ALDH16A1: variants seen among roughly 807,000 people sequenced by gnomAD.
ALDH16A1 encodes aldehyde dehydrogenase family 16 member A1.
In ALDH16A1, 88 loss-of-function variants were observed where a neutral mutation model predicts 96.1. The observed-to-expected ratio is 0.92, with a 90% CI of 0.77 to 1.09. ALDH16A1 has a LOEUF of 1.09. Ranked by LOEUF, ALDH16A1 falls within the 50% of genes least tolerant of loss-of-function variation. The pLI, the probability that ALDH16A1 is intolerant of heterozygous loss-of-function variation, is 0.00. For missense variants in ALDH16A1, 1,250 were observed against 1,112.6 expected (o/e 1.12, Z -1.76); for synonymous variants, 522 against 496.4 (o/e 1.05, Z -0.69).
At chr19:49,467,831 C>G (rs1387222474) in intron 14 of ALDH16A1, among the ~76,000 whole-genome samples, 57 of 151,742 alleles carry the variant, frequency 3.8e-4, no homozygotes, top group Non-Finnish European at 5.9e-5. Context: ...CCCCTTGCCT[C>G]CCACCCCCCA....
chr19:49,464,896 G>A, intron 12 of ALDH16A1, 134 bp downstream of exon 12: 2 of 1,396,980 alleles, frequency 1.4e-6, no homozygotes, highest in South Asian at 1.3e-5. Flanking sequence ...ACCACGTTGT[G>A]GCCTCACACT....
Position 49,465,709 on chromosome 19 carries a change from ACTC to A in ALDH16A1, c.1569-22_1569-20del, listed in dbSNP as rs758939974. On this transcript the variant is annotated intron_variant, in intron 12 of 16. Transcript: ENST00000293350. ...GGTCTGAGCAGATTGAGGCCCCAGG[ACTC>A]CTCCTCATGTCCCACCCTACTCCAG... 2.4e-5 allele frequency: 38 copies of A among 1,597,002 alleles called. No homozygotes were observed. In the African/African-American group the frequency reaches 3.8e-4, roughly 16 times the overall value.
At position 49,456,606 on chromosome 19, in the gene ALDH16A1, T is replaced by G. The variant is rs778361043; in HGVS notation, c.91-1880T>G. On this transcript the variant is annotated intron_variant, in intron 1 of 16. Coordinates refer to ENST00000293350, the MANE Select transcript of ALDH16A1 (RefSeq NM_153329.4). Reference sequence around the variant, plus strand: ...GTCTTGCTGTGTAGGTCCAGACTAGTCTCAAACTCCTCAGCTCAAGCAATC... The same window carrying G: ...GTCTTGCTGTGTAGGTCCAGACTAGGCTCAAACTCCTCAGCTCAAGCAATC... Among the ~76,000 whole-genome samples the G allele has an allele frequency of 1.6e-4, 24 of 152,078 alleles. No homozygotes were observed. In the East Asian group the frequency reaches 4.4e-3, roughly 28 times the overall value.
chr19:49,456,936 C>T (rs534293076), intron 1 of ALDH16A1, among the ~76,000 whole-genome samples: 1 of 151,920 alleles, frequency 6.6e-6, no homozygotes, highest in African/African-American at 2.4e-5. Context: ...GGTAAAAACC[C>T]ATCTCTACTA....
At position 49,462,556 on chromosome 19, in the gene ALDH16A1, C is replaced by G; in HGVS notation, c.913-14C>G. 1.9e-6 allele frequency: 3 copies of G among 1,610,970 alleles called. No homozygotes were observed. The highest frequency in any genetic ancestry group is 2.5e-6 in the Non-Finnish European group (3 of 1,179,164). On this transcript the variant is annotated splice_polypyrimidine_tract_variant and intron_variant, in intron 7 of 16. Transcript: ENST00000293350. ...TGCAATGGTGTGATCTCCTGATGCC[C>G]CTTTTCCTCACAGGGTGGCCTCAGG...
At chr19:49,470,055 CTTG>C (rs1289633270) in intron 16 of ALDH16A1, 6 of 478,352 alleles carry the variant, frequency 1.3e-5, no homozygotes, top group African/African-American at 1.0e-4. Flanking sequence ...CAGATGTGAA[CTTG>C]TTGACAAGAG....
chr19:49,454,760 A>G (rs2079094788), intron 1 of ALDH16A1, among the ~76,000 whole-genome samples: 2 of 152,220 alleles, frequency 1.3e-5, no homozygotes, highest in African/African-American at 4.8e-5. Flanking sequence ...AGACGGGCAG[A>G]TCGCCTGAGC....
At position 49,459,752 on chromosome 19, in the gene ALDH16A1, C is replaced by G. The variant is rs771158582; in HGVS notation, c.403C>G (p.Arg135Gly). ...LVTGRAVREV[R>G]DGDVQLAQQL... ...GACTGGGCGGGCTGTTCGAGAGGTTCGAGACGGGGACGTCCAGCTGGCCCA... is the reference window on the plus strand; with the variant it reads ...GACTGGGCGGGCTGTTCGAGAGGTTGGAGACGGGGACGTCCAGCTGGCCCA... Residue 135 changes from arginine to glycine, a missense_variant, in exon 4 of 17, where the codon CGA becomes GGA. Physicochemically the swap from Arg to Gly is moderately radical, Grantham distance 125. Transcript: ENST00000293350. The surrounding 1 kb of genome is among the most constrained non-coding windows in gnomAD (Gnocchi z 4.1). 1.2e-6 allele frequency: 2 copies of G among 1,613,670 alleles called. No individual in the cohort carries two copies. The highest frequency in any genetic ancestry group is 1.7e-6 in the Non-Finnish European group (2 of 1,179,912).
chr19:49,470,648 C>CTTTTTT lies in ALDH16A1; in HGVS notation c.*194_*199dup, dbSNP rs55713893. 1.2e-5 allele frequency: 4 copies of CTTTTTT among 342,196 alleles called. No homozygotes were observed. The highest frequency in any genetic ancestry group is 9.8e-6 in the Non-Finnish European group (2 of 204,872). The allele number at this position is 342,196 out of a possible 1,614,324, so 21.2% of individuals were successfully genotyped here. On this transcript the variant is annotated 3_prime_UTR_variant, in exon 17 of 17. Transcript: ENST00000293350. Reference sequence around the variant, plus strand: ...CTTCTGGCAGATATGAGGCTTTTTTCTTTTTTTTTTTTTTTTTTGAGACAA... The same window carrying CTTTTTT: ...CTTCTGGCAGATATGAGGCTTTTTTCTTTTTTTTTTTTTTTTTTTTTTTTGAGACAA...
At position 49,453,400 on chromosome 19, in the gene ALDH16A1, G is replaced by C; in HGVS notation, c.69G>C (p.Pro23=). The change falls in exon 1 of 17, where the codon CCG becomes CCC. Residue 23 remains proline, a synonymous_variant. Transcript: ENST00000293350. ...IFTSLEYGPV[P]ESHACALAWL... ...CCTCGCTGGAGTACGGACCGGTGCC[G>C]GAGAGCCACGCATGCGCACTGGTGA... is the stretch of plus-strand genomic sequence containing the variant. 1 of 1,556,804 alleles carries C rather than the reference G, an allele frequency of 6.4e-7. No individual in the cohort carries two copies.
intron 14 of ALDH16A1, 42 bp downstream of exon 14, chr19:49,466,325 G>A (rs371827008): frequency 2.1e-6 from 3 of 1,423,364 alleles, no homozygotes; most frequent in Non-Finnish European, 9.2e-7. Flanking sequence ...GGCAGGCGGG[G>A]TGGGGCTCAG....
Position 49,464,218 on chromosome 19 carries a change from G to A in ALDH16A1, c.1286G>A (p.Ser429Asn). Residue 429 changes from serine (S) to asparagine (N), a missense_variant, in exon 10 of 17, where the codon AGT becomes AAT. Transcript: ENST00000293350. ...GGGACGCCCCGCGGGGGCAGCGCCA[G>A]TGTGTGGAGCGAGAGGCTGGGGCAG... ...ANGTPRGGSA[S>N]VWSERLGQAL... The A allele has an allele frequency of 6.2e-7, 1 of 1,605,566 alleles. No homozygotes were observed. Among genetic ancestry groups the A allele is most frequent in the South Asian group, 1.1e-5 (1 of 90,902 alleles).
In ALDH16A1 at chr19:49,459,816, A is replaced by G. The variant is rs2079127895; in HGVS notation, c.467A>G (p.Gln156Arg). Reference sequence around the variant, plus strand: ...TACCATGCAATCCAGGCATCCACCCAGGAGGAGGCACTGGCAGGCTGGGAG... The same window carrying G: ...TACCATGCAATCCAGGCATCCACCCGGGAGGAGGCACTGGCAGGCTGGGAG... ...LHYHAIQAST[Q>R]EEALAGWEPM... Residue 156 changes from glutamine to arginine, a missense_variant, in exon 4 of 17, where the codon CAG (glutamine) becomes CGG (arginine). Gln to Arg is a conservative substitution (Grantham distance 43). Transcript: ENST00000293350. The surrounding 1 kb of genome is among the most constrained non-coding windows in gnomAD (Gnocchi z 4.1). The G allele has an allele frequency of 6.2e-7, 1 of 1,613,386 alleles. No homozygotes were observed. The highest frequency in any genetic ancestry group is 2.2e-5 in the East Asian group (1 of 44,838).
At chr19:49,454,334 TC>T (rs2079092639) in intron 1 of ALDH16A1, among the ~76,000 whole-genome samples, 1 of 152,064 alleles carries the variant, frequency 6.6e-6, no homozygotes, top group Non-Finnish European at 1.5e-5. Flanking sequence ...CATCAGGACT[TC>T]CTGTAATTAC....
At position 49,468,618 on chromosome 19, in the gene ALDH16A1, A is replaced by G; in HGVS notation, c.2124+52A>G. The G allele has an allele frequency of 1.3e-6, 2 of 1,573,060 alleles. No individual in the cohort carries two copies. The highest frequency in any genetic ancestry group is 1.7e-6 in the Non-Finnish European group (2 of 1,163,452). The stretch of plus-strand genomic sequence containing the variant: ...CCTCCCCGTAGCCTCAGGGCAGCAG[A>G]AAAAGGCGCCCCAAAGTCGGCAGGA... On this transcript the variant is annotated intron_variant, in intron 15 of 16. Transcript: ENST00000293350. This position sits in a 1 kb window ranked among gnomAD's most constrained non-coding sequence, Gnocchi z 4.4.
chr19:49,462,577 T>C lies in ALDH16A1; in HGVS notation c.920T>C (p.Leu307Pro), dbSNP rs763911446. 9.3e-6 allele frequency: 15 copies of C among 1,612,756 alleles called. No homozygotes were observed. The highest frequency in any genetic ancestry group is 1.2e-5 in the Non-Finnish European group (14 of 1,179,832). ...AAWSDRGPGG[L>P]RLLIQESVWD... ...TGCCCCTTTTCCTCACAGGGTGGCCTCAGGCTCCTCATCCAGGAGTCTGTG... is the reference window on the plus strand; with the variant it reads ...TGCCCCTTTTCCTCACAGGGTGGCCCCAGGCTCCTCATCCAGGAGTCTGTG... The change falls in exon 8 of 17, where the codon CTC becomes CCC. Residue 307 changes from leucine (L) to proline (P), a missense_variant. By Grantham distance (98) the Leu-to-Pro change is moderately conservative. Transcript: ENST00000293350.
At chr19:49,457,987 G>A (rs2079114863) in intron 1 of ALDH16A1, among the ~76,000 whole-genome samples, 1 of 152,154 alleles carries the variant, frequency 6.6e-6, no homozygotes, top group Non-Finnish European at 1.5e-5. Context: ...GCCAAGGCGT[G>A]CAGATCACTT....
At chr19:49,457,083 G>A (rs575461884) in intron 1 of ALDH16A1, among the ~76,000 whole-genome samples, 18 of 151,664 alleles carry the variant, frequency 1.2e-4, no homozygotes, top group Admixed American at 1.1e-3. Flanking sequence ...ACTCCAGCCT[G>A]GGAGACAAGA....
chr19:49,469,917 T>G, intron 16 of ALDH16A1: 1 of 169,242 alleles, frequency 5.9e-6, no homozygotes. Context: ...GGTCTCGCCA[T>G]ATTGTCCAGG....
Sources: allele counts gnomAD v4.1 joint callset (sites outside exome capture counted in the v4.1 genomes callset), GRCh38; gene constraint gnomAD v4.1.1; non-coding constraint Gnocchi (gnomAD v3.1); transcripts MANE v1.5; gene names NCBI Gene and HGNC (gene_info 2026-07-23, HGNC 2026-07-21).